Variants in CPLX1 observed in about 807,000 individuals in gnomAD.
The protein encoded by CPLX1 is complexin 1, also known as complexin-1.
A neutral mutation model predicts 15.6 loss-of-function variants in CPLX1; 6 were observed. The observed-to-expected ratio is 0.39, with a 90% CI of 0.21 to 0.76. The LOEUF is 0.76. Among genes scored for constraint, CPLX1 ranks in the 30% least tolerant of loss-of-function variants. The probability of loss-of-function intolerance (pLI) is 0.43; values close to 1 mark genes in which losing one functional copy is unlikely to be tolerated. For synonymous variants in CPLX1, 91 were observed against 75.2 expected, an observed-to-expected ratio of 1.21 and a Z score of -1.08; for missense variants, 242 against 188.6, an observed-to-expected ratio of 1.28 and a Z score of -1.66.
At chr4:811,534 T>A (rs1746665549) in intron 2 of CPLX1, among the ~76,000 whole-genome samples, 1 of 152,244 alleles carries the variant, frequency 6.6e-6, no homozygotes, top group Non-Finnish European at 1.5e-5. Flanking sequence ...ATTTTCTAGA[T>A]ACCTTTCTGT....
chr4:817,276 G>A (rs1469788148), intron 2 of CPLX1, among the ~76,000 whole-genome samples: 7 of 151,206 alleles, frequency 4.6e-5, no homozygotes, highest in East Asian at 3.9e-4. Flanking sequence ...AATTCAGGCC[G>A]GGCGCAGTGG....
Position 786,434 on chromosome 4 carries a change from G to C in CPLX1, c.*67C>G, listed in dbSNP as rs1745990401. The C allele has an allele frequency of 6.8e-7, 1 of 1,470,318 alleles. No individual in the cohort carries two copies. The highest frequency in any genetic ancestry group is 1.4e-5 in the African/African-American group (1 of 70,374). 91.1% of individuals were successfully genotyped at this position (1,470,318 alleles called of 1,614,324 possible). A position where few individuals can be genotyped will look rare whatever the true frequency, so the allele number is the denominator to read the frequency against. ...GGGGCTGCGCTCTGCTCGTCCCTCA[G>C]GGGCCTCCGCGGAGGATCTGTAGGG... On this transcript the variant is annotated 3_prime_UTR_variant, in exon 4 of 4. Coordinates refer to ENST00000304062, the MANE Select transcript of CPLX1 (RefSeq NM_006651.4).
intron 2 of CPLX1, among the ~76,000 whole-genome samples, chr4:799,629 G>A (rs958092335): frequency 1.1e-4 from 16 of 152,122 alleles, no homozygotes; most frequent in African/African-American, 1.9e-4. Flanking sequence ...TTGGGAGGCC[G>A]AGATGGGCGG....
rs10794536 is a variant in CPLX1, at chr4:786,498, C to G, written c.*3G>C. 0.81 allele frequency: 1,273,597 copies of G among 1,565,414 alleles called. 519,749 individuals are homozygous for G. The highest frequency in any genetic ancestry group is 0.96 in the African/African-American group (70,668 of 73,684). On this transcript the variant is annotated 3_prime_UTR_variant, in exon 4 of 4. Coordinates refer to ENST00000304062, the MANE Select transcript of CPLX1 (RefSeq NM_006651.4). ...CTCCGCGGGGCCGCTGTCCCGCGCG[C>G]GGCTACTTCTTGAGCATGTCCTGCA...
intron 2 of CPLX1, among the ~76,000 whole-genome samples, chr4:824,279 A>G (rs1226557399): frequency 2.6e-5 from 4 of 152,210 alleles, no homozygotes; most frequent in South Asian, 2.1e-4. Context: ...CCCGCCAGGA[A>G]CACCAGTTCT....
Position 785,971 on chromosome 4 carries a change from G to A in CPLX1, c.*530C>T, listed in dbSNP as rs1577465117. 1 of 152,422 alleles carries A rather than the reference G, an allele frequency of 6.6e-6. No homozygotes were observed. The allele number at this position is 152,422 out of a possible 1,614,324, so 9.4% of individuals were successfully genotyped here. The stretch of plus-strand genomic sequence containing the variant: ...GGAAAGGACGCGGACAGAGACGGAT[G>A]GACAGGGGCGCGAGGGGGCCAGGCC... On this transcript the variant is annotated 3_prime_UTR_variant, in exon 4 of 4. Coordinates refer to ENST00000304062, the MANE Select transcript of CPLX1 (RefSeq NM_006651.4).
chr4:814,369 C>T (rs776888272), intron 2 of CPLX1, among the ~76,000 whole-genome samples: 7 of 152,176 alleles, frequency 4.6e-5, no homozygotes, highest in African/African-American at 7.2e-5. Context: ...CCTGCCACCA[C>T]GCCCAGCTAA....
At chr4:795,370 C>T (rs966268781) in intron 2 of CPLX1, among the ~76,000 whole-genome samples, 1 of 152,200 alleles carries the variant, frequency 6.6e-6, no homozygotes, top group African/African-American at 2.4e-5. Flanking sequence ...GCGACCCCGC[C>T]GGACCCTGGA....
rs551249658 is a variant in CPLX1 at position 791,586 on chromosome 4, G to A, written c.207+847C>T. Among the ~76,000 whole-genome samples the A allele has an allele frequency of 3.8e-3, 578 of 152,276 alleles. 8 individuals are homozygous for A. The highest frequency in any genetic ancestry group is 3.9e-3 in the Non-Finnish European group (263 of 67,998). On this transcript the variant is annotated intron_variant, in intron 3 of 3. Coordinates refer to ENST00000304062, the MANE Select transcript of CPLX1 (RefSeq NM_006651.4). ...GGCTTCTCCACCTGCTCCAGGTGCC[G>A]CCGGCAGCAGGGAGGGGTCCCGGGA...
intron 2 of CPLX1, among the ~76,000 whole-genome samples, chr4:815,174 G>C (rs1007043721): frequency 1.3e-5 from 2 of 152,206 alleles, no homozygotes; most frequent in African/African-American, 4.8e-5. Context: ...ACTTTGGGAG[G>C]CTGAGGCGGG....
chr4:824,554 C>A lies in CPLX1; in HGVS notation c.-32G>T, dbSNP rs1199092419. The A allele has an allele frequency of 6.2e-7, 1 of 1,612,320 alleles. No individual in the cohort carries two copies. The highest frequency in any genetic ancestry group is 1.7e-5 in the Admixed American group (1 of 60,030). The stretch of plus-strand genomic sequence containing the variant: ...TGCTCTGCTTCCACAGTGGCTCCTC[C>A]AGGGGTCAGAACTCACACGCAAGTA... On this transcript the variant is annotated 5_prime_UTR_variant, in exon 2 of 4. Coordinates refer to ENST00000304062, the MANE Select transcript of CPLX1 (RefSeq NM_006651.4).
intron 3 of CPLX1, among the ~76,000 whole-genome samples, chr4:789,625 G>C (rs1042147809): frequency 6.6e-6 from 1 of 152,198 alleles, no homozygotes. Context: ...GCAGGACAAG[G>C]GCGGGTCAGT....
At chr4:790,367 A>G (rs543222650) in intron 3 of CPLX1, among the ~76,000 whole-genome samples, 1 of 152,246 alleles carries the variant, frequency 6.6e-6, no homozygotes, top group East Asian at 1.9e-4. Flanking sequence ...CCAGCTCCCC[A>G]TAGGCCTGAC....
At chr4:818,538 C>G (rs1055806480) in intron 2 of CPLX1, among the ~76,000 whole-genome samples, 2 of 152,272 alleles carry the variant, frequency 1.3e-5, no homozygotes, top group Non-Finnish European at 2.9e-5. Context: ...CATTAGCTCA[C>G]CTGGGATGAG....
intron 3 of CPLX1, 65 bp downstream of exon 3, chr4:792,368 C>A: frequency 2.9e-6 from 4 of 1,401,498 alleles, no homozygotes; most frequent in Non-Finnish European, 3.7e-6. Flanking sequence ...TCCACCCAGG[C>A]GGGATCTGGG....
At chr4:786,918 G>GT in intron 3 of CPLX1, 1 of 975,586 alleles carries the variant, frequency 1.0e-6, no homozygotes, top group Non-Finnish European at 1.2e-6. Context: ...GAGCTGACAT[G>GT]GGGGGGAGCA....
intron 3 of CPLX1, among the ~76,000 whole-genome samples, chr4:791,754 T>TGCGCCCCAGGCA (rs1746182173): frequency 6.6e-6 from 1 of 152,130 alleles, no homozygotes; most frequent in African/African-American, 2.4e-5. Flanking sequence ...GGGTGAGCAC[T>TGCGCCCCAGGCA]GCGCCCCAGG....
chr4:792,209 G>A (rs748596106), intron 3 of CPLX1, among the ~76,000 whole-genome samples: 14 of 152,230 alleles, frequency 9.2e-5, no homozygotes, highest in Non-Finnish European at 1.9e-4. Flanking sequence ...AAGCCCGCCA[G>A]GGCTGGCGCT....
chr4:822,211 T>A (rs1746881795), intron 2 of CPLX1, among the ~76,000 whole-genome samples: 1 of 151,062 alleles, frequency 6.6e-6, no homozygotes, highest in Admixed American at 6.6e-5. Context: ...TCCATCTCTA[T>A]CTCTCTAACT....
Sources: gnomAD v4.1 joint callset for allele counts (sites outside exome capture counted in the v4.1 genomes callset) on GRCh38, gnomAD v4.1.1 for gene constraint, MANE v1.5 for transcripts, NCBI Gene and HGNC (gene_info 2026-07-23, HGNC 2026-07-21) for gene names.